The following GABRB2 variants were observed in gnomAD, a reference collection of about 807,000 sequenced individuals.
GABRB2 encodes the protein gamma-aminobutyric acid receptor subunit beta-2.
Under a neutral mutation model 54.7 loss-of-function variants are expected in GABRB2, and 16 were observed. The ratio of observed to expected loss-of-function variants is 0.29; its 90% CI spans 0.20 to 0.44. The LOEUF (loss-of-function observed/expected upper bound fraction) is 0.44. Ranked by LOEUF, GABRB2 falls within the 20% of genes least tolerant of loss-of-function variation. The pLI, the probability that GABRB2 is intolerant of heterozygous loss-of-function variation, is 1.00. For missense variants in GABRB2, 355 were observed against 644.0 expected (o/e 0.55, Z 4.86); for synonymous variants, 244 against 233.8 (o/e 1.04, Z -0.40).
chr5:161,462,447 G>A (rs1388607092), intron 3 of GABRB2, among the ~76,000 whole-genome samples: 6 of 152,088 alleles, frequency 3.9e-5, no homozygotes, highest in African/African-American at 7.2e-5. Context: ...TAGAAAGAAC[G>A]CATTTAGTGA....
At chr5:161,534,027 C>T (rs1267822116) in intron 3 of GABRB2, among the ~76,000 whole-genome samples, 1 of 151,932 alleles carries the variant, frequency 6.6e-6, no homozygotes, top group South Asian at 2.1e-4. Flanking sequence ...TTGTTTTTCC[C>T]ACAATGTGCT....
chr5:161,456,007 C>A lies in GABRB2; in HGVS notation c.458+3617G>T, dbSNP rs116732882. Among the ~76,000 whole-genome samples the A allele has an allele frequency of 2.4e-3, 367 of 152,300 alleles. 2 individuals carry two copies. Among genetic ancestry groups the A allele is most frequent in the African/African-American group, 8.3e-3 (343 of 41,570 alleles). ...CCTATGAAAGAAACTTACTCAGATACTGTAAATGACTGTCCCTCCTTTAAC... is the reference window on the plus strand; with the variant it reads ...CCTATGAAAGAAACTTACTCAGATAATGTAAATGACTGTCCCTCCTTTAAC... On this transcript the variant is annotated intron_variant, in intron 4 of 9. Transcript: ENST00000393959.
upstream of GABRB2, chr5:161,548,018 C>A (rs1170360142): frequency 1.3e-5 from 2 of 152,382 alleles, no homozygotes; most frequent in African/African-American, 2.4e-5. Context: ...GAAGCCGGAG[C>A]GGTCCCTAGA....
At chr5:161,339,406 C>T (rs1754087218) in intron 5 of GABRB2, among the ~76,000 whole-genome samples, 1 of 152,008 alleles carries the variant, frequency 6.6e-6, no homozygotes, top group Non-Finnish European at 1.5e-5. Flanking sequence ...GCCTCTACTT[C>T]AGGGATACTG....
intron 5 of GABRB2, among the ~76,000 whole-genome samples, chr5:161,382,282 C>T (rs943758220): frequency 4.6e-5 from 7 of 152,122 alleles, no homozygotes; most frequent in Non-Finnish European, 1.0e-4. Flanking sequence ...GAGAGCATGT[C>T]GTTATGGACT....
chr5:161,411,161 C>A, intron 4 of GABRB2, 104 bp from the exon 5 acceptor site: 1 of 812,876 alleles, frequency 1.2e-6, no homozygotes, highest in South Asian at 1.6e-5. Flanking sequence ...ACCCTAAGTA[C>A]TAATGAAAAT....
intron 5 of GABRB2, among the ~76,000 whole-genome samples, chr5:161,385,467 T>A (rs1038853125): frequency 6.6e-6 from 1 of 152,168 alleles, no homozygotes; most frequent in African/African-American, 2.4e-5. Context: ...TTTCATAGTA[T>A]CCTTAGTACT....
At position 161,520,913 on chromosome 5, in the gene GABRB2, T is replaced by C. The variant is rs142764941; in HGVS notation, c.237+24314A>G. 9.6e-3 allele frequency among the ~76,000 whole-genome samples: 1,454 copies of C among 152,126 alleles called. 11 individuals carry two copies. Among genetic ancestry groups the C allele is most frequent in the Non-Finnish European group, 0.015 (1,018 of 67,916 alleles). ...ATCAATACATCTTGCCAACAATCAATAGTTGCTGCAATACATTGACTCACA... is the reference window on the plus strand; with the variant it reads ...ATCAATACATCTTGCCAACAATCAACAGTTGCTGCAATACATTGACTCACA... On this transcript the variant is annotated intron_variant, in intron 3 of 9. Transcript: ENST00000393959.
chr5:161,426,139 A>G (rs751676339), intron 4 of GABRB2, among the ~76,000 whole-genome samples: 35 of 152,222 alleles, frequency 2.3e-4, no homozygotes, highest in Middle Eastern at 3.4e-3. Context: ...CGAGGGCAAG[A>G]ATGGGATTAT....
intron 3 of GABRB2, among the ~76,000 whole-genome samples, chr5:161,522,878 G>T (rs917582201): frequency 2.6e-5 from 4 of 151,336 alleles, no homozygotes; most frequent in African/African-American, 9.7e-5. Context: ...TGTTAATTAT[G>T]TATAAACACA....
chr5:161,306,210 T>C (rs1031531588), intron 9 of GABRB2, among the ~76,000 whole-genome samples: 1 of 152,222 alleles, frequency 6.6e-6, no homozygotes, highest in Non-Finnish European at 1.5e-5. Context: ...AGAGGGAAAT[T>C]ATAACCTGCC....
At chr5:161,466,752 A>C (rs1758290738) in intron 3 of GABRB2, among the ~76,000 whole-genome samples, 1 of 151,986 alleles carries the variant, frequency 6.6e-6, no homozygotes, top group Non-Finnish European at 1.5e-5. Flanking sequence ...CTTAATGACT[A>C]TTCAACCATG....
At chr5:161,465,357 T>C (rs1255634837) in intron 3 of GABRB2, among the ~76,000 whole-genome samples, 1 of 152,130 alleles carries the variant, frequency 6.6e-6, no homozygotes, top group Admixed American at 6.6e-5. Flanking sequence ...ATAATGGTTA[T>C]AGGCTCTCTA....
chr5:161,503,744 T>C (rs1344201755), intron 3 of GABRB2, among the ~76,000 whole-genome samples: 1 of 142,166 alleles, frequency 7.0e-6, no homozygotes, highest in African/African-American at 2.6e-5. Flanking sequence ...TGTAATGAAA[T>C]AGATATTCCA....
At chr5:161,370,025 T>C (rs1755087784) in intron 5 of GABRB2, among the ~76,000 whole-genome samples, 1 of 152,138 alleles carries the variant, frequency 6.6e-6, no homozygotes, top group South Asian at 2.1e-4. Flanking sequence ...ATCTAAGTTA[T>C]CATCTCAGTG....
chr5:161,507,809 C>T (rs775727971), intron 3 of GABRB2, among the ~76,000 whole-genome samples: 14 of 152,068 alleles, frequency 9.2e-5, no homozygotes, highest in South Asian at 4.2e-4. Context: ...TGAGATACCA[C>T]TACACCCCCA....
chr5:161,326,610 A>G (rs1758371295), intron 8 of GABRB2, 129 bp from the exon 9 acceptor site: 2 of 1,136,452 alleles, frequency 1.8e-6, no homozygotes, highest in Non-Finnish European at 2.3e-6. Context: ...AAAGGCTAAC[A>G]GAGAATGGGA....
intron 5 of GABRB2, among the ~76,000 whole-genome samples, chr5:161,403,617 AAC>A (rs1288565327): frequency 1.3e-5 from 2 of 152,148 alleles, no homozygotes; most frequent in African/African-American, 4.8e-5. Context: ...AAGAAAGAGA[AAC>A]ACAGCAGAAA....
At chr5:161,334,981 G>C in intron 6 of GABRB2, 77 bp from the exon 7 acceptor site, 1 of 1,386,350 alleles carries the variant, frequency 7.2e-7, no homozygotes, top group East Asian at 2.3e-5. Context: ...TGCATAAACA[G>C]TACCTCTTCT....
Sources: gnomAD v4.1 joint callset for allele counts (sites outside exome capture counted in the v4.1 genomes callset) on GRCh38, gnomAD v4.1.1 for gene constraint, MANE v1.5 for transcripts, NCBI Gene and HGNC (gene_info 2026-07-23, HGNC 2026-07-21) for gene names.